The following GFPT1 variants were observed in gnomAD, a reference collection of about 807,000 sequenced individuals.
GFPT1 encodes the protein glutamine--fructose-6-phosphate aminotransferase [isomerizing] 1.
GFPT1 carries 40 observed loss-of-function variants against 92.0 expected under a neutral mutation model. That is an observed-to-expected ratio of 0.43 (90% confidence interval 0.34 to 0.57). The LOEUF (loss-of-function observed/expected upper bound fraction) is 0.57, where lower values mean the gene tolerates loss of function less well. Ranked by LOEUF, GFPT1 falls within the 20% of genes least tolerant of loss-of-function variation. GFPT1 has a pLI of 0.02. For missense variants in GFPT1, 448 were observed against 869.1 expected (o/e 0.52, Z 6.09); for synonymous variants, 269 against 280.6 (o/e 0.96, Z 0.41).
At chr2:69,380,257 A>C (rs1490566022) in intron 1 of GFPT1, among the ~76,000 whole-genome samples, 1 of 152,128 alleles carries the variant, frequency 6.6e-6, no homozygotes, top group Non-Finnish European at 1.5e-5. Flanking sequence ...GAATCACTTG[A>C]GCCCAGGAGG....
In GFPT1 at chr2:69,354,168, C is replaced by A. The variant is rs1421997408; in HGVS notation, c.739+91G>T. 2.0e-5 allele frequency: 17 copies of A among 833,914 alleles called. No homozygotes were observed. The South Asian group carries it at 2.8e-4, about 14-fold the overall frequency. The allele number at this position is 833,914 out of a possible 1,614,324, so 51.7% of individuals were successfully genotyped here. Reference sequence around the variant, plus strand: ...AATAAGCACATTTTTAGAGGCCCAGCACATTCATTCACTCCAAGAACAAAA... The same window carrying A: ...AATAAGCACATTTTTAGAGGCCCAGAACATTCATTCACTCCAAGAACAAAA... On this transcript the variant is annotated intron_variant, in intron 9 of 19. Coordinates refer to ENST00000357308, the MANE Select transcript of GFPT1 (RefSeq NM_001244710.2).
intron 1 of GFPT1, among the ~76,000 whole-genome samples, chr2:69,377,492 T>TAC (rs544350284): frequency 0.023 from 1,223 of 53,760 alleles, 31 homozygotes; most frequent in African/African-American, 0.092. Context: ...CTACTAAAAA[T>TAC]AAAAATAAAA....
chr2:69,370,404 T>C (rs770886123), intron 2 of GFPT1, among the ~76,000 whole-genome samples: 2 of 152,076 alleles, frequency 1.3e-5, no homozygotes, highest in Admixed American at 6.6e-5. Context: ...CAGGTTACAA[T>C]TGGGATACAA....
chr2:69,332,704 A>G (rs1204449117), intron 15 of GFPT1, among the ~76,000 whole-genome samples: 1 of 151,808 alleles, frequency 6.6e-6, no homozygotes, highest in Admixed American at 6.6e-5. Flanking sequence ...TTTTATTTAC[A>G]TCTCTTTCAG....
chr2:69,340,348 C>A (rs958105570), intron 13 of GFPT1, among the ~76,000 whole-genome samples: 6 of 151,998 alleles, frequency 3.9e-5, no homozygotes, highest in African/African-American at 2.4e-5. Flanking sequence ...TTTATAAATA[C>A]ACAAAATGAC....
chr2:69,324,259 G>A lies in GFPT1; in HGVS notation c.*1930C>T, dbSNP rs1558721173. 1 of 152,186 alleles carries A rather than the reference G, an allele frequency of 6.6e-6. No individual in the cohort carries two copies. 9.4% of individuals were successfully genotyped at this position (152,186 alleles called of 1,614,324 possible). A position where few individuals can be genotyped will look rare whatever the true frequency, so the allele number is the denominator to read the frequency against. ...AAAGACACACACAGAGGGAGACAGA[G>A]ATTATGCAGACTAATGACTGACTTC... On this transcript the variant is annotated 3_prime_UTR_variant, in exon 20 of 20. Transcript: ENST00000357308.
intron 6 of GFPT1, among the ~76,000 whole-genome samples, chr2:69,358,111 A>G (rs1671384345): frequency 6.6e-6 from 1 of 152,176 alleles, no homozygotes; most frequent in Admixed American, 6.6e-5. Flanking sequence ...CATTTTCATG[A>G]CATTAAACCT....
chr2:69,365,878 T>C (rs973602843), intron 3 of GFPT1, among the ~76,000 whole-genome samples: 1 of 152,122 alleles, frequency 6.6e-6, no homozygotes. Flanking sequence ...AATGGCGCAA[T>C]CTTGGCTCAC....
intron 1 of GFPT1, among the ~76,000 whole-genome samples, 184 bp downstream of exon 1, chr2:69,386,881 C>A (rs1188719887): frequency 1.3e-5 from 2 of 152,220 alleles, no homozygotes; most frequent in Non-Finnish European, 2.9e-5. Flanking sequence ...CCGGCCGCCA[C>A]CCCCTCTCCC....
chr2:69,352,254 CTT>C (rs927576324), intron 9 of GFPT1, among the ~76,000 whole-genome samples: 4 of 151,806 alleles, frequency 2.6e-5, no homozygotes, highest in African/African-American at 7.3e-5. Context: ...CAGAGCATGA[CTT>C]TGTCTCAAAA....
chr2:69,327,301 G>C (rs1447550909), intron 18 of GFPT1, among the ~76,000 whole-genome samples: 1 of 152,100 alleles, frequency 6.6e-6, no homozygotes, highest in Non-Finnish European at 1.5e-5. Context: ...AGAAATACCA[G>C]GCTTAGTACT....
At chr2:69,338,667 A>C (rs2104617466) in intron 13 of GFPT1, 102 bp from the exon 14 acceptor site, 2 of 1,105,456 alleles carry the variant, frequency 1.8e-6, no homozygotes, top group African/African-American at 1.6e-5. Flanking sequence ...CTGATTACAA[A>C]AATGACACGT....
chr2:69,367,915 T>A (rs1167542921), intron 3 of GFPT1, among the ~76,000 whole-genome samples: 1 of 152,204 alleles, frequency 6.6e-6, no homozygotes, highest in Non-Finnish European at 1.5e-5. Flanking sequence ...AGATAATAAA[T>A]TCAATCAATA....
intron 13 of GFPT1, among the ~76,000 whole-genome samples, chr2:69,339,432 A>G (rs1284387625): frequency 5.9e-5 from 9 of 152,220 alleles, no homozygotes; most frequent in Admixed American, 5.9e-4. Context: ...GCCTCTGTGC[A>G]AAACGTAGTT....
Position 69,387,085 on chromosome 2 carries a change from C to T in GFPT1, c.-14G>A, listed in dbSNP as rs1243422825. The T allele has an allele frequency of 6.5e-7, 1 of 1,536,890 alleles. No homozygotes were observed. The highest frequency in any genetic ancestry group is 1.9e-5 in the Admixed American group (1 of 51,752). ...CTTACCACACATGATGCCGGAGACA[C>T]GGCCCGCGAGGCCAGGGGCGAGTGG... is the stretch of plus-strand genomic sequence containing the variant. On this transcript the variant is annotated 5_prime_UTR_variant, in exon 1 of 20. It adds an upstream start codon to the 5' untranslated region. Coordinates refer to ENST00000357308, the MANE Select transcript of GFPT1 (RefSeq NM_001244710.2).
In GFPT1 at chr2:69,356,566, G is replaced by A; in HGVS notation, c.544-9C>T. The A allele has an allele frequency of 1.2e-6, 2 of 1,607,088 alleles. No individual in the cohort carries two copies. The highest frequency in any genetic ancestry group is 2.7e-5 in the African/African-American group (2 of 74,866). On this transcript the variant is annotated splice_polypyrimidine_tract_variant and intron_variant, in intron 6 of 19. Transcript: ENST00000357308. Reference sequence around the variant, plus strand: ...AGTGCAAAAGCACCTTCCTAGGGAGGGAAAAAAATCCATTAGCACTATTTA... The same window carrying A: ...AGTGCAAAAGCACCTTCCTAGGGAGAGAAAAAAATCCATTAGCACTATTTA...
In GFPT1 at chr2:69,348,017, T is replaced by C. The variant is rs551341121; in HGVS notation, c.1009+154A>G. On this transcript the variant is annotated intron_variant, in intron 11 of 19. Transcript: ENST00000357308. ...TTGTAAAAACAGCAGATAATTTCTC[T>C]AAAGAATCATCCCTTTTCCTAGCGT... Among the ~76,000 whole-genome samples, 8 of 152,344 alleles carry C rather than the reference T, an allele frequency of 5.3e-5. No individual in the cohort carries two copies. The South Asian group carries it at 1.4e-3, about 28-fold the overall frequency.
chr2:69,368,522 G>A (rs2104676583), intron 3 of GFPT1, among the ~76,000 whole-genome samples: 1 of 152,298 alleles, frequency 6.6e-6, no homozygotes, highest in Middle Eastern at 3.4e-3. Flanking sequence ...GAGGTCAGGA[G>A]TTCAAGACCA....
intron 19 of GFPT1, among the ~76,000 whole-genome samples, chr2:69,326,572 T>G (rs1350664796): frequency 6.6e-6 from 1 of 152,194 alleles, no homozygotes; most frequent in African/African-American, 2.4e-5. Flanking sequence ...CCAGGAATGC[T>G]ACAAAGTCTT....
Sources: gnomAD v4.1 joint callset for allele counts (sites outside exome capture counted in the v4.1 genomes callset) on GRCh38, gnomAD v4.1.1 for gene constraint, MANE v1.5 for transcripts, NCBI Gene and HGNC (gene_info 2026-07-23, HGNC 2026-07-21) for gene names.